The following B4GALNT3 variants were observed in gnomAD, a reference collection of about 807,000 sequenced individuals.
B4GALNT3 encodes the protein beta-1,4-N-acetyl-galactosaminyltransferase 3.
In B4GALNT3, 86 loss-of-function variants were observed where a neutral mutation model predicts 120.2. That is an observed-to-expected ratio of 0.72 (90% CI 0.60 to 0.86). B4GALNT3 has a LOEUF of 0.86. Among genes scored for constraint, B4GALNT3 ranks in the 40% least tolerant of loss-of-function variants. B4GALNT3 has a pLI of 0.00. For missense variants in B4GALNT3, 1,167 were observed against 1,298.9 expected, an observed-to-expected ratio of 0.90 and a Z score of 1.56; for synonymous variants, 518 against 510.4, an observed-to-expected ratio of 1.01 and a Z score of -0.20.
rs1161875823 is a variant in B4GALNT3, at chr12:546,733, G to A, written c.707+20G>A. 7 of 1,549,306 alleles carry A rather than the reference G, an allele frequency of 4.5e-6. No individual in the cohort carries two copies. Among genetic ancestry groups the A allele is most frequent in the African/African-American group, 1.4e-5 (1 of 72,978 alleles). On this transcript the variant is annotated intron_variant, in intron 7 of 19. Transcript: ENST00000266383. ...GGTGAGGTGAGTGAGGGTCAGGACA[G>A]GCGCTGTGGGCGCCTCGGTGCCTCG...
At chr12:531,249 G>A (rs540026317) in intron 1 of B4GALNT3, among the ~76,000 whole-genome samples, 23 of 152,138 alleles carry the variant, frequency 1.5e-4, no homozygotes, top group Admixed American at 2.0e-4. Flanking sequence ...GGATGCGGGA[G>A]GGTGGGGGGC....
chr12:466,915 C>G (rs1363225852), intron 1 of B4GALNT3, among the ~76,000 whole-genome samples: 1 of 151,936 alleles, frequency 6.6e-6, no homozygotes, highest in Non-Finnish European at 1.5e-5. Flanking sequence ...GCAGTTTTCA[C>G]AAACTGAAAA....
chr12:475,505 G>T (rs940596848), intron 1 of B4GALNT3, among the ~76,000 whole-genome samples: 1 of 152,160 alleles, frequency 6.6e-6, no homozygotes, highest in Non-Finnish European at 1.5e-5. Context: ...TGTCCCGGCA[G>T]AACCGGAGGT....
At chr12:551,082 G>A (rs773753652) in intron 11 of B4GALNT3, 51 bp downstream of exon 11, 47 of 1,452,566 alleles carry the variant, frequency 3.2e-5, no homozygotes, top group Non-Finnish European at 4.5e-5. Context: ...AGGGATTGCT[G>A]CCTGTGACTG....
rs1947108547 is a variant in B4GALNT3 at position 553,464 on chromosome 12, G to A, written c.1541G>A (p.Arg514Lys). 1 of 1,614,162 alleles carries A rather than the reference G, an allele frequency of 6.2e-7. No homozygotes were observed. The highest frequency in any genetic ancestry group is 2.2e-5 in the East Asian group (1 of 44,876). The change falls in exon 14 of 20, where the codon AGG becomes AAG. Residue 514 changes from arginine to lysine, a missense_variant. Around this residue, in one of 3 missense-constraint regions of B4GALNT3, gnomAD observed 983 missense variants for 1,102.5 expected, o/e 0.89. Coordinates refer to ENST00000266383, the MANE Select transcript of B4GALNT3 (RefSeq NM_173593.4). ...SHIPVQQPEK[R>K]KQKPSPEPSQ... is the part of the protein sequence containing the mutation. ...ATTCCAGTGCAGCAGCCAGAGAAGA[G>A]GAAGCAAAAACCCAGCCCTGAGCCC...
intron 1 of B4GALNT3, among the ~76,000 whole-genome samples, chr12:512,735 A>C (rs1297577961): frequency 4.0e-5 from 3 of 74,846 alleles, no homozygotes; most frequent in Admixed American, 1.5e-4. Context: ...ACCTTCTTCC[A>C]CCTTTGACCT....
chr12:469,066 C>T, intron 1 of B4GALNT3, among the ~76,000 whole-genome samples: 1 of 152,180 alleles, frequency 6.6e-6, no homozygotes, highest in Admixed American at 6.5e-5. Context: ...GTGATTCATT[C>T]TAAACTTAAA....
chr12:487,515 C>T (rs1946300631), intron 1 of B4GALNT3, among the ~76,000 whole-genome samples: 1 of 151,982 alleles, frequency 6.6e-6, no homozygotes, highest in Non-Finnish European at 1.5e-5. Flanking sequence ...GAGTTCGAGA[C>T]CAGCCTGGCC....
chr12:541,839 TCACCCCCCCC>T (rs1370052109), intron 3 of B4GALNT3, among the ~76,000 whole-genome samples: 14 of 43,054 alleles, frequency 3.3e-4, no homozygotes, highest in East Asian at 3.2e-3. Context: ...GTCCCCCCCC[TCACCCCCCCC>T]CACCCCCCCC....
At chr12:494,934 C>T (rs1946375182) in intron 1 of B4GALNT3, among the ~76,000 whole-genome samples, 1 of 152,164 alleles carries the variant, frequency 6.6e-6, no homozygotes, top group African/African-American at 2.4e-5. Flanking sequence ...AGCCTCTACC[C>T]CTTTAGCTAC....
rs28427176 is a variant in B4GALNT3, at chr12:550,503, C to A, written c.998-419C>A. On this transcript the variant is annotated intron_variant, in intron 10 of 19. Transcript: ENST00000266383. The surrounding 1 kb of genome is among the most constrained non-coding windows in gnomAD (Gnocchi z 4.1). ...GATCCTGTCAAAAAAAACAAACAAA[C>A]AAAAAAAACAACAAAGTTTCTTTAC... Among the ~76,000 whole-genome samples, 78 of 151,494 alleles carry A rather than the reference C, an allele frequency of 5.1e-4. No individual in the cohort carries two copies. Among genetic ancestry groups the A allele is most frequent in the African/African-American group, 1.2e-3 (49 of 41,268 alleles).
chr12:552,423 C>T (rs375387995), intron 12 of B4GALNT3, 44 bp from the exon 13 acceptor site: 628 of 1,582,510 alleles, frequency 4.0e-4, no homozygotes, highest in Middle Eastern at 6.7e-4. Context: ...GGGCTGAGCC[C>T]GCCATGCACC....
rs1421301105 is a variant in B4GALNT3 at position 558,604 on chromosome 12, G to A, written c.2704G>A (p.Ala902Thr). 2 of 1,614,026 alleles carry A rather than the reference G, an allele frequency of 1.2e-6. No individual in the cohort carries two copies. The highest frequency in any genetic ancestry group is 1.3e-5 in the African/African-American group (1 of 74,926). ...GAAGCACTGTGTGGAGGGAAAGATG[G>A]CCTTTGCCCCCATGGTGATGAGGCT... ...IRKHCVEGKM[A>T]FAPMVMRLHC... Residue 902 changes from alanine (A) to threonine (T), a missense_variant, in exon 18 of 20, where the codon GCC (alanine) becomes ACC (threonine). By Grantham distance (58) the Ala-to-Thr change is moderately conservative (BLOSUM62 0). Transcript: ENST00000266383.
At position 558,645 on chromosome 12, in the gene B4GALNT3, C is replaced by A. The variant is rs1947188580; in HGVS notation, c.2745C>A (p.Thr915=). 8.1e-6 allele frequency: 13 copies of A among 1,613,750 alleles called. No homozygotes were observed. The highest frequency in any genetic ancestry group is 1.1e-5 in the Non-Finnish European group (13 of 1,179,942). Residue 915 remains threonine (T), a synonymous_variant, in exon 18 of 20, where the codon ACC becomes ACA. Coordinates refer to ENST00000266383, the MANE Select transcript of B4GALNT3 (RefSeq NM_173593.4). The part of the protein sequence containing the change: ...PMVMRLHCGA[T]PQWPEGYWEV... ...TGATGAGGCTGCATTGTGGGGCCAC[C>A]CCCCAGTGGCCTGAGGGTGAGCCCT...
At chr12:470,364 C>G (rs1390279740) in intron 1 of B4GALNT3, among the ~76,000 whole-genome samples, 2 of 152,272 alleles carry the variant, frequency 1.3e-5, no homozygotes, top group Non-Finnish European at 2.9e-5. Flanking sequence ...GCTTTCCACC[C>G]TGCCTGCCAA....
intron 1 of B4GALNT3, among the ~76,000 whole-genome samples, chr12:489,754 G>A (rs111976190): frequency 1.2e-3 from 181 of 152,292 alleles, no homozygotes; most frequent in African/African-American, 4.0e-3. Flanking sequence ...AGCACCATCC[G>A]TCAACTGGAT....
At chr12:505,237 T>G (rs1439930500) in intron 1 of B4GALNT3, among the ~76,000 whole-genome samples, 1 of 152,202 alleles carries the variant, frequency 6.6e-6, no homozygotes, top group Non-Finnish European at 1.5e-5. Context: ...AATGAGTGAA[T>G]TAATTAGTTA....
At chr12:510,844 A>C (rs1216518209) in intron 1 of B4GALNT3, among the ~76,000 whole-genome samples, 2 of 151,880 alleles carry the variant, frequency 1.3e-5, no homozygotes, top group African/African-American at 4.8e-5. Context: ...TATTCGATTC[A>C]CTGGTGCTGG....
At chr12:511,645 T>TCGAC (rs1172987052) in intron 1 of B4GALNT3, among the ~76,000 whole-genome samples, 1 of 18,572 alleles carries the variant, frequency 5.4e-5, no homozygotes, top group Non-Finnish European at 1.2e-4. Context: ...CCTTCCACCT[T>TCGAC]CTTCCACCTT....
Sources: allele counts gnomAD v4.1 joint callset (sites outside exome capture counted in the v4.1 genomes callset), GRCh38; gene constraint gnomAD v4.1.1; regional missense constraint gnomAD v4.1.1; non-coding constraint Gnocchi (gnomAD v3.1); transcripts MANE v1.5; gene names NCBI Gene and HGNC (gene_info 2026-07-23, HGNC 2026-07-21).